The following NBEAL1 variants were observed in gnomAD, a reference collection of about 807,000 sequenced individuals.
NBEAL1 encodes neurobeachin-like protein 1.
NBEAL1 carries 273 observed loss-of-function variants against 351.3 expected under a neutral mutation model. The observed-to-expected ratio is 0.78, with a 90% CI of 0.70 to 0.86. NBEAL1 has a LOEUF of 0.86. Ranked by LOEUF, NBEAL1 falls within the 40% of genes least tolerant of loss-of-function variation. The pLI, the probability that NBEAL1 is intolerant of heterozygous loss-of-function variation, is 0.00. For synonymous variants in NBEAL1, 1,050 were observed against 1,086.4 expected (o/e 0.97, Z 0.66); for missense variants, 2,961 against 3,201.3 (o/e 0.92, Z 1.81).
rs1266841469 is a variant in NBEAL1, at chr2:203,118,568, G to T, written c.2592+2498G>T. Among the ~76,000 whole-genome samples, 5 of 151,074 alleles carry T rather than the reference G, an allele frequency of 3.3e-5. No individual in the cohort carries two copies. The East Asian group carries it at 7.8e-4, about 23-fold the overall frequency. On this transcript the variant is annotated intron_variant, in intron 18 of 55. Coordinates refer to ENST00000683969, the MANE Select transcript of NBEAL1 (RefSeq NM_001378026.1). ...TATAATCCAAACAGTATATTTAGTG[G>T]CAAGTTCTGGATGTGTGACAGCCAA...
Position 203,194,008 on chromosome 2 carries a change from T to C in NBEAL1, c.7038+97T>C. On this transcript the variant is annotated intron_variant, in intron 47 of 55. Coordinates refer to ENST00000683969, the MANE Select transcript of NBEAL1 (RefSeq NM_001378026.1). ...TTAATGGGAAGTAAGGATTATAATA[T>C]TTAATTCAAGATAGTAAATTATACT... The C allele has an allele frequency of 4.8e-6, 3 of 628,268 alleles. No homozygotes were observed. In the East Asian group the frequency reaches 9.0e-5, roughly 19 times the overall value. The allele number at this position is 628,268 out of a possible 1,614,324, so 38.9% of individuals were successfully genotyped here.
At chr2:203,215,675 G>A (rs2065883716) in intron 55 of NBEAL1, among the ~76,000 whole-genome samples, 1 of 149,952 alleles carries the variant, frequency 6.7e-6, no homozygotes, top group Non-Finnish European at 1.5e-5. Context: ...GCAACAGAGC[G>A]AGACTCCATC....
rs1559067806 is a variant in NBEAL1, at chr2:203,208,722, C to A, written c.7592C>A (p.Thr2531Asn). ...TNEVLSVGIS[T>N]ELDMAVSGSR... The stretch of plus-strand genomic sequence containing the variant: ...GAGGTACTGAGTGTCGGCATCAGCA[C>A]TGAGCTAGACATGGCAGTGTCAGGA... Residue 2531 changes from threonine (T) to asparagine (N), a missense_variant, in exon 52 of 56, where the codon ACT becomes AAT. Coordinates refer to ENST00000683969, the MANE Select transcript of NBEAL1 (RefSeq NM_001378026.1). The A allele has an allele frequency of 2.5e-6, 4 of 1,608,368 alleles. No homozygotes were observed. In the South Asian group the frequency reaches 4.5e-5, roughly 18 times the overall value.
chr2:203,041,683 T>C lies in NBEAL1; in HGVS notation c.52-82T>C, dbSNP rs143120002. ...TGGAGATTTCATAGTATTGATTCTT[T>C]AGGTATCTGCTTAATAGGTGTAGAA... On this transcript the variant is annotated intron_variant, in intron 2 of 55. Transcript: ENST00000683969. The C allele has an allele frequency of 1.9e-4, 160 of 822,450 alleles. 1 individual carries two copies. The African/African-American group carries it at 2.2e-3, about 11-fold the overall frequency. 50.9% of individuals were successfully genotyped at this position (822,450 alleles called of 1,614,324 possible).
intron 2 of NBEAL1, among the ~76,000 whole-genome samples, chr2:203,041,116 T>C (rs2061134046): frequency 6.6e-6 from 1 of 152,220 alleles, no homozygotes; most frequent in Non-Finnish European, 1.5e-5. Flanking sequence ...GGCTGCTGCC[T>C]CGTCAGAAAT....
intron 47 of NBEAL1, among the ~76,000 whole-genome samples, chr2:203,195,510 T>C (rs1366813273): frequency 6.6e-6 from 1 of 152,156 alleles, no homozygotes; most frequent in African/African-American, 2.4e-5. Context: ...ATTCCCAGGA[T>C]GTGTTGGGAG....
intron 16 of NBEAL1, among the ~76,000 whole-genome samples, chr2:203,112,571 G>A (rs2062598416): frequency 6.6e-6 from 1 of 152,184 alleles, no homozygotes; most frequent in African/African-American, 2.4e-5. Context: ...TCTGAAGATA[G>A]TGGAATAGAG....
At chr2:203,019,810 C>T (rs998116540) in intron 2 of NBEAL1, among the ~76,000 whole-genome samples, 3 of 151,988 alleles carry the variant, frequency 2.0e-5, no homozygotes, top group East Asian at 1.9e-4. Flanking sequence ...GCTAAAAGAA[C>T]GCTAATGGAA....
chr2:203,155,498 G>T (rs928413438), intron 35 of NBEAL1, among the ~76,000 whole-genome samples: 1 of 152,022 alleles, frequency 6.6e-6, no homozygotes, highest in Non-Finnish European at 1.5e-5. Flanking sequence ...GTGCAGTGGT[G>T]CAGTCACCAC....
chr2:203,094,158 A>C (rs1412493276), intron 10 of NBEAL1, among the ~76,000 whole-genome samples: 1 of 152,206 alleles, frequency 6.6e-6, no homozygotes, highest in African/African-American at 2.4e-5. Context: ...CCATTGTAAT[A>C]TATAATTTTC....
chr2:203,224,047 T>C lies in NBEAL1; in HGVS notation c.*6693T>C, dbSNP rs1182586089. 6.6e-6 allele frequency among the ~76,000 whole-genome samples: 1 copy of C among 152,040 alleles called. No homozygotes were observed. The highest frequency in any genetic ancestry group is 1.9e-4 in the East Asian group (1 of 5,202). ...TTGGAAAGAATAATTCTTTTGGAATTTTGGAATTTTGATTTTCTTAGATGA... is the reference window on the plus strand; with the variant it reads ...TTGGAAAGAATAATTCTTTTGGAATCTTGGAATTTTGATTTTCTTAGATGA... On this transcript the variant is annotated 3_prime_UTR_variant, in exon 56 of 56. Coordinates refer to ENST00000683969, the MANE Select transcript of NBEAL1 (RefSeq NM_001378026.1).
intron 47 of NBEAL1, among the ~76,000 whole-genome samples, chr2:203,196,554 T>C (rs531773246): frequency 1.3e-5 from 2 of 152,378 alleles, no homozygotes; most frequent in South Asian, 4.1e-4. Context: ...CATTCTTCTC[T>C]GGATTAATTC....
intron 38 of NBEAL1, 147 bp downstream of exon 38, chr2:203,167,507 A>G (rs1384846536): frequency 4.9e-6 from 4 of 823,910 alleles, no homozygotes; most frequent in African/African-American, 1.8e-5. Flanking sequence ...TAATCAGTGT[A>G]TGAATTTTTG....
At chr2:203,104,395 A>T (rs1375527505) in intron 12 of NBEAL1, among the ~76,000 whole-genome samples, 1 of 151,952 alleles carries the variant, frequency 6.6e-6, no homozygotes, top group Non-Finnish European at 1.5e-5. Context: ...TGCTTGGTTG[A>T]TTTTTCTCCA....
chr2:203,166,534 A>G (rs554741200), intron 37 of NBEAL1, among the ~76,000 whole-genome samples: 61 of 152,168 alleles, frequency 4.0e-4, no homozygotes, highest in Non-Finnish European at 6.8e-4. Context: ...TTAAGTTACA[A>G]AATACAGTGT....
intron 52 of NBEAL1, among the ~76,000 whole-genome samples, 157 bp downstream of exon 52, chr2:203,208,910 TAAAG>T (rs1369784186): frequency 6.6e-6 from 1 of 152,198 alleles, no homozygotes; most frequent in Non-Finnish European, 1.5e-5. Flanking sequence ...CTTTGCAAAA[TAAAG>T]AAATCACTGA....
Position 203,057,393 on chromosome 2 carries a change from C to G in NBEAL1, c.455C>G (p.Ala152Gly). The change falls in exon 6 of 56, where the codon GCA becomes GGA. Residue 152 changes from alanine to glycine, a missense_variant. Physicochemically the swap from Ala to Gly is moderately conservative, Grantham distance 60. Transcript: ENST00000683969. ...TGTATTGAAGAATTTGTGATCCACG[C>G]ATTGGCATTTTGTGAAAGCTTATAT... is the stretch of plus-strand genomic sequence containing the variant. ...QTCIEEFVIHALAFCESLYDP... is the reference protein window; with the variant it reads ...QTCIEEFVIHGLAFCESLYDP... The G allele has an allele frequency of 6.4e-7, 1 of 1,552,498 alleles. No individual in the cohort carries two copies. Among genetic ancestry groups the G allele is most frequent in the Non-Finnish European group, 8.7e-7 (1 of 1,146,400 alleles).
In NBEAL1 at chr2:203,033,024, G is replaced by A. The variant is rs905251149; in HGVS notation, c.52-8741G>A. Among the ~76,000 whole-genome samples the A allele has an allele frequency of 3.4e-5, 5 of 149,094 alleles. No homozygotes were observed. The South Asian group carries it at 8.5e-4, about 25-fold the overall frequency. ...TTAATTTAATTTTATTTTTTGAGAC[G>A]GAGTCTCGCTCTGTCGCCCAGGCTG... On this transcript the variant is annotated intron_variant, in intron 2 of 55. Coordinates refer to ENST00000683969, the MANE Select transcript of NBEAL1 (RefSeq NM_001378026.1).
intron 10 of NBEAL1, among the ~76,000 whole-genome samples, chr2:203,094,899 A>G (rs938911424): frequency 2.6e-5 from 4 of 152,200 alleles, no homozygotes; most frequent in Admixed American, 6.5e-5. Flanking sequence ...AGGCAGGCGG[A>G]TCATCTGAGG....
Sources: gnomAD v4.1 joint callset for allele counts (sites outside exome capture counted in the v4.1 genomes callset) on GRCh38, gnomAD v4.1.1 for gene constraint, MANE v1.5 for transcripts, NCBI Gene and HGNC (gene_info 2026-07-23, HGNC 2026-07-21) for gene names.